The following PLD5 variants were observed in gnomAD, a reference collection of about 807,000 sequenced individuals.
PLD5 encodes the protein inactive phospholipase D5.
In PLD5, 36 loss-of-function variants were observed where a neutral mutation model predicts 61.1. The observed-to-expected ratio is 0.59, with a 90% confidence interval of 0.45 to 0.78. The LOEUF is 0.78. Ranked by LOEUF, PLD5 falls within the 30% of genes least tolerant of loss-of-function variation. The probability of loss-of-function intolerance (pLI) is 0.00; values close to 1 mark genes in which losing one functional copy is unlikely to be tolerated. For synonymous variants in PLD5, 243 were observed against 242.8 expected (o/e 1.00, Z -0.01); for missense variants, 515 against 644.4 (o/e 0.80, Z 2.17).
chr1:242,408,049 C>A (rs540213160), intron 1 of PLD5, among the ~76,000 whole-genome samples: 2 of 140,560 alleles, frequency 1.4e-5, no homozygotes, highest in South Asian at 4.5e-4. Context: ...TTCATAATTT[C>A]TTTTCATGAT....
chr1:242,391,397 T>G (rs993145460), intron 1 of PLD5, among the ~76,000 whole-genome samples: 3 of 152,146 alleles, frequency 2.0e-5, no homozygotes, highest in African/African-American at 7.2e-5. Context: ...TGGAAAATTT[T>G]TTCCTAAAAA....
intron 5 of PLD5, among the ~76,000 whole-genome samples, chr1:242,184,664 A>G (rs1035184476): frequency 1.4e-4 from 22 of 152,264 alleles, no homozygotes; most frequent in Middle Eastern, 6.8e-3. Context: ...TACCGTGCCC[A>G]GCCTCAGTTG....
chr1:242,278,196 GA>G (rs1674520354), intron 3 of PLD5, among the ~76,000 whole-genome samples: 1 of 151,820 alleles, frequency 6.6e-6, no homozygotes, highest in African/African-American at 2.4e-5. Flanking sequence ...CTATTCGAGT[GA>G]AAGTACCAAA....
At chr1:242,130,881 G>A (rs995470784) in intron 5 of PLD5, among the ~76,000 whole-genome samples, 5 of 146,850 alleles carry the variant, frequency 3.4e-5, no homozygotes, top group South Asian at 2.2e-4. Context: ...GGAAGAGATC[G>A]ATTTCTTTTT....
chr1:242,227,217 G>T (rs371945707), intron 4 of PLD5, among the ~76,000 whole-genome samples: 13 of 152,008 alleles, frequency 8.6e-5, no homozygotes, highest in South Asian at 2.1e-4. Flanking sequence ...TCACCATTTT[G>T]ATTTTTATTT....
chr1:242,190,169 G>A (rs1342874970), intron 5 of PLD5, among the ~76,000 whole-genome samples: 13 of 108,610 alleles, frequency 1.2e-4, no homozygotes, highest in African/African-American at 3.3e-4. Flanking sequence ...TTTTTGAGAC[G>A]GAGTCTCGCT....
intron 2 of PLD5, among the ~76,000 whole-genome samples, chr1:242,327,388 GAAT>G (rs1473311623): frequency 1.3e-5 from 2 of 152,112 alleles, no homozygotes; most frequent in African/African-American, 2.4e-5. Flanking sequence ...TGAGTAAATA[GAAT>G]AATATTTTGA....
intron 4 of PLD5, among the ~76,000 whole-genome samples, chr1:242,253,307 T>TTTTTA (rs1313909537): frequency 5.8e-5 from 1 of 17,196 alleles, no homozygotes; most frequent in African/African-American, 2.1e-4. Context: ...TCTCTTCACT[T>TTTTTA]TTTTTTTTTT....
Position 242,134,712 on chromosome 1 carries a change from T to C in PLD5, c.736-10047A>G, listed in dbSNP as rs75681750. Among the ~76,000 whole-genome samples, 591 of 152,306 alleles carry C rather than the reference T, an allele frequency of 3.9e-3. 3 individuals are homozygous for C. Among genetic ancestry groups the C allele is most frequent in the African/African-American group, 0.013 (534 of 41,568 alleles). ...GCATTGCTCGCTGGACTTCTCCTCC[T>C]CAACAATGCCCTCCCTAGCAGCACT... On this transcript the variant is annotated intron_variant, in intron 5 of 9. Transcript: ENST00000536534.
intron 3 of PLD5, among the ~76,000 whole-genome samples, chr1:242,274,652 G>T (rs992447282): frequency 3.9e-5 from 6 of 152,298 alleles, no homozygotes; most frequent in African/African-American, 1.2e-4. Flanking sequence ...TACTCAGGAG[G>T]CTGAGGTAGG....
intron 1 of PLD5, among the ~76,000 whole-genome samples, chr1:242,354,772 T>C (rs1487481797): frequency 6.6e-6 from 1 of 151,866 alleles, no homozygotes; most frequent in Non-Finnish European, 1.5e-5. Flanking sequence ...AGATTATATA[T>C]GGCCTTTATT....
intron 3 of PLD5, among the ~76,000 whole-genome samples, chr1:242,265,998 G>T (rs753724224): frequency 6.6e-6 from 1 of 152,208 alleles, no homozygotes; most frequent in Non-Finnish European, 1.5e-5. Context: ...TGATTTACCT[G>T]AATTCATGTT....
chr1:242,211,337 G>A (rs550279668), intron 5 of PLD5, among the ~76,000 whole-genome samples: 9 of 152,308 alleles, frequency 5.9e-5, no homozygotes, highest in Admixed American at 2.0e-4. Flanking sequence ...TGAGTTAGTA[G>A]CTTGGGACGC....
chr1:242,330,687 T>C (rs560790978), intron 2 of PLD5, among the ~76,000 whole-genome samples: 11 of 152,260 alleles, frequency 7.2e-5, no homozygotes, highest in South Asian at 2.1e-4. Flanking sequence ...ATCCCACCCA[T>C]TGAACATTGA....
At chr1:242,291,945 C>T (rs1458809239) in intron 2 of PLD5, among the ~76,000 whole-genome samples, 5 of 152,044 alleles carry the variant, frequency 3.3e-5, no homozygotes, top group South Asian at 2.1e-4. Context: ...TGCCTACTGA[C>T]GGTTGAGTGA....
intron 1 of PLD5, among the ~76,000 whole-genome samples, chr1:242,487,028 C>CGGAA (rs1558140253): frequency 6.6e-6 from 1 of 151,488 alleles, no homozygotes; most frequent in East Asian, 1.9e-4. Context: ...ACATGGACAC[C>CGGAA]GGAAGGGGAA....
At chr1:242,442,648 G>A (rs954175720) in intron 1 of PLD5, among the ~76,000 whole-genome samples, 1 of 151,994 alleles carries the variant, frequency 6.6e-6, no homozygotes, top group African/African-American at 2.4e-5. Flanking sequence ...TATGATTTGT[G>A]CACTTTTTCA....
intron 5 of PLD5, among the ~76,000 whole-genome samples, chr1:242,194,665 T>TCTATCTATCTAC (rs1553321151): frequency 1.3e-5 from 2 of 148,384 alleles, no homozygotes; most frequent in East Asian, 3.9e-4. Flanking sequence ...TATCTATCTA[T>TCTATCTATCTAC]CTACCTATCT....
intron 1 of PLD5, among the ~76,000 whole-genome samples, chr1:242,431,557 C>G (rs1665721172): frequency 6.6e-6 from 1 of 152,202 alleles, no homozygotes; most frequent in Non-Finnish European, 1.5e-5. Context: ...TGCTATATTT[C>G]TCATCCACAG....
Sources: allele counts gnomAD v4.1 joint callset (sites outside exome capture counted in the v4.1 genomes callset), GRCh38; gene constraint gnomAD v4.1.1; transcripts MANE v1.5; gene names NCBI Gene and HGNC (gene_info 2026-07-23, HGNC 2026-07-21).